The following MGAT4C variants were observed in gnomAD, a reference collection of about 807,000 sequenced individuals.
The protein encoded by MGAT4C is MGAT4 family member C, also known as alpha-1,3-mannosyl-glycoprotein 4-beta-N-acetylglucosaminyltransferase C.
Under a neutral mutation model 40.1 loss-of-function variants are expected in MGAT4C, and 19 were observed. The ratio of observed to expected loss-of-function variants is 0.47; its 90% CI spans 0.33 to 0.70. MGAT4C has a LOEUF of 0.70. MGAT4C is among the 30% of genes least tolerant of loss of function. MGAT4C has a pLI of 0.02. For synonymous variants in MGAT4C, 181 were observed against 187.1 expected, an observed-to-expected ratio of 0.97 and a Z score of 0.27; for missense variants, 491 against 563.2, an observed-to-expected ratio of 0.87 and a Z score of 1.30.
chr12:86,799,943 G>C (rs954928235), intron 1 of MGAT4C, among the ~76,000 whole-genome samples: 1 of 151,834 alleles, frequency 6.6e-6, no homozygotes, highest in Non-Finnish European at 1.5e-5. Flanking sequence ...TTTTATGTTA[G>C]GCAGATGCAT....
intron 1 of MGAT4C, among the ~76,000 whole-genome samples, chr12:86,059,642 T>C (rs930393826): frequency 1.3e-5 from 2 of 152,190 alleles, no homozygotes; most frequent in African/African-American, 4.8e-5. Flanking sequence ...CTGAAGTGGC[T>C]TGTATAGTTG....
At position 85,980,500 on chromosome 12, in the gene MGAT4C, A is replaced by AT. The variant is rs1884467525; in HGVS notation, c.296-71dup. ...ATGGAAAAAGTAAAAGAGAGAAGATATTTATTCCTTTGACTTGCTACTTAC... is the reference window on the plus strand; with the variant it reads ...ATGGAAAAAGTAAAAGAGAGAAGATATTTTATTCCTTTGACTTGCTACTTAC... On this transcript the variant is annotated intron_variant, in intron 4 of 4. Coordinates refer to ENST00000611864, the MANE Select transcript of MGAT4C (RefSeq NM_001351288.2). 1.6e-5 allele frequency: 22 copies of AT among 1,382,336 alleles called. No individual in the cohort carries two copies. In the South Asian group the frequency reaches 2.9e-4, roughly 18 times the overall value. 85.6% of individuals were successfully genotyped at this position (1,382,336 alleles called of 1,614,324 possible). A position where few individuals can be genotyped will look rare whatever the true frequency, so the allele number is the denominator to read the frequency against.
At chr12:86,517,628 A>G (rs189992584) in intron 2 of MGAT4C, among the ~76,000 whole-genome samples, 84 of 150,994 alleles carry the variant, frequency 5.6e-4, no homozygotes, top group African/African-American at 1.1e-3. Flanking sequence ...TTATTTATTT[A>G]TTTGTTTGTT....
chr12:86,501,295 TTTTA>T (rs1309770485), intron 2 of MGAT4C, among the ~76,000 whole-genome samples: 3 of 152,010 alleles, frequency 2.0e-5, no homozygotes, highest in Non-Finnish European at 4.4e-5. Flanking sequence ...TAAAAATTAT[TTTTA>T]TTTGTTTTTC....
chr12:86,633,010 G>A (rs1963109408), intron 2 of MGAT4C, among the ~76,000 whole-genome samples: 2 of 151,824 alleles, frequency 1.3e-5, no homozygotes, highest in African/African-American at 2.4e-5. Flanking sequence ...ATATTGCATA[G>A]CATAAGTGTG....
At chr12:86,559,141 A>G (rs528084604) in intron 2 of MGAT4C, among the ~76,000 whole-genome samples, 128 of 152,126 alleles carry the variant, frequency 8.4e-4, no homozygotes, top group African/African-American at 3.0e-3. Context: ...GGAATAGAAT[A>G]TAATACTGGA....
At chr12:86,670,807 T>G (rs1964237471) in intron 2 of MGAT4C, among the ~76,000 whole-genome samples, 1 of 152,192 alleles carries the variant, frequency 6.6e-6, no homozygotes, top group African/African-American at 2.4e-5. Context: ...CTTAACCCTT[T>G]TCCCATTTTT....
intron 2 of MGAT4C, among the ~76,000 whole-genome samples, chr12:86,618,295 C>A (rs1380416907): frequency 6.6e-6 from 1 of 152,080 alleles, no homozygotes; most frequent in Non-Finnish European, 1.5e-5. Context: ...AAAATTAAAA[C>A]TAGCACAAGA....
intron 1 of MGAT4C, among the ~76,000 whole-genome samples, chr12:86,155,529 C>A (rs839129): frequency 0.64 from 97,031 of 151,892 alleles, 31,322 homozygotes; most frequent in South Asian, 0.72. Context: ...ATTAAAGGAT[C>A]AAAGATGATC....
intron 3 of MGAT4C, among the ~76,000 whole-genome samples, chr12:86,422,362 T>C (rs915857919): frequency 6.6e-6 from 1 of 152,156 alleles, no homozygotes; most frequent in African/African-American, 2.4e-5. Context: ...AAAATATAAC[T>C]TATGAGAAAC....
chr12:86,651,489 TTGAG>T (rs1963695792), intron 2 of MGAT4C, among the ~76,000 whole-genome samples: 1 of 151,900 alleles, frequency 6.6e-6, no homozygotes, highest in Non-Finnish European at 1.5e-5. Context: ...CATTAATATT[TTGAG>T]TATTATTTTT....
intron 4 of MGAT4C, among the ~76,000 whole-genome samples, chr12:86,290,380 C>T (rs1291456293): frequency 6.6e-6 from 1 of 152,096 alleles, no homozygotes; most frequent in East Asian, 1.9e-4. Flanking sequence ...AGAGCAGCAG[C>T]ACAATCAGTA....
At chr12:85,999,583 G>GTGTATA (rs1226916126) in intron 2 of MGAT4C, among the ~76,000 whole-genome samples, 45 of 122,976 alleles carry the variant, frequency 3.7e-4, no homozygotes, top group African/African-American at 1.2e-3. Flanking sequence ...GTGTGTGTGT[G>GTGTATA]TATATATATA....
chr12:86,638,962 C>A (rs927193194), intron 2 of MGAT4C, among the ~76,000 whole-genome samples: 2 of 151,542 alleles, frequency 1.3e-5, no homozygotes, highest in African/African-American at 4.8e-5. Context: ...CATTATAGTG[C>A]AATATGATGT....
intron 3 of MGAT4C, among the ~76,000 whole-genome samples, chr12:86,417,180 T>C (rs1956735572): frequency 6.6e-6 from 1 of 151,970 alleles, no homozygotes; most frequent in African/African-American, 2.4e-5. Context: ...TCAAAATTGG[T>C]TGGTTTATGA....
At chr12:86,762,476 C>G (rs1267145874) in intron 1 of MGAT4C, among the ~76,000 whole-genome samples, 1 of 152,118 alleles carries the variant, frequency 6.6e-6, no homozygotes, top group Non-Finnish European at 1.5e-5. Flanking sequence ...AGCCACTGTT[C>G]ATTGTTAGAA....
intron 3 of MGAT4C, among the ~76,000 whole-genome samples, chr12:86,361,722 G>A (rs1013178881): frequency 1.3e-5 from 2 of 152,098 alleles, no homozygotes; most frequent in African/African-American, 4.8e-5. Context: ...GCAGCCAACA[G>A]ACACATGAAA....
chr12:86,577,187 C>T lies in MGAT4C; in HGVS notation c.-228-141922G>A, dbSNP rs150793172. On this transcript the variant is annotated intron_variant, in intron 2 of 7. Transcript: ENST00000548651. ...ATCCTGCAACTTTACTGAATTTATC[C>T]GTTCTAATAGTTTTCTTGTGTAGTC... Among the ~76,000 whole-genome samples the T allele has an allele frequency of 1.4e-3, 206 of 151,606 alleles. 3 individuals carry two copies. The highest frequency in any genetic ancestry group is 0.012 in the Admixed American group (180 of 15,148).
At chr12:86,226,348 T>G (rs1951074308) in intron 1 of MGAT4C, among the ~76,000 whole-genome samples, 1 of 151,968 alleles carries the variant, frequency 6.6e-6, no homozygotes, top group Non-Finnish European at 1.5e-5. Context: ...AAAATCAATA[T>G]GGCTGGAATA....
Sources: allele counts gnomAD v4.1 joint callset (sites outside exome capture counted in the v4.1 genomes callset), GRCh38; gene constraint gnomAD v4.1.1; transcripts MANE v1.5; gene names NCBI Gene and HGNC (gene_info 2026-07-23, HGNC 2026-07-21).